DLGAP1: variants seen among roughly 807,000 people sequenced by gnomAD.
DLGAP1 encodes disks large-associated protein 1.
DLGAP1 carries 11 observed loss-of-function variants against 90.8 expected under a neutral mutation model. The observed-to-expected ratio is 0.12, with a 90% CI of 0.08 to 0.20. The LOEUF is 0.20. Ranked by LOEUF, DLGAP1 falls within the 10% of genes least tolerant of loss-of-function variation. DLGAP1 has a pLI of 1.00. For synonymous variants in DLGAP1, 558 were observed against 540.7 expected (o/e 1.03, Z -0.44); for missense variants, 1,050 against 1,333.8 (o/e 0.79, Z 3.31).
intron 7 of DLGAP1, among the ~76,000 whole-genome samples, chr18:3,633,433 A>C (rs2058592850): frequency 6.6e-6 from 1 of 150,642 alleles, no homozygotes; most frequent in African/African-American, 2.4e-5. Context: ...TAAACTGAAG[A>C]TCAAGCTGAA....
intron 5 of DLGAP1, among the ~76,000 whole-genome samples, chr18:3,780,916 CCT>C (rs1386344120): frequency 6.6e-6 from 1 of 152,090 alleles, no homozygotes; most frequent in African/African-American, 2.4e-5. Flanking sequence ...CTCAAGTGAT[CCT>C]CTCACTTCAG....
chr18:3,679,382 G>A (rs2060428632), intron 7 of DLGAP1, among the ~76,000 whole-genome samples: 2 of 151,814 alleles, frequency 1.3e-5, no homozygotes, highest in South Asian at 2.1e-4. Context: ...TTTCTGTTGC[G>A]AGAATGAATA....
chr18:4,174,485 C>A (rs182657575), intron 1 of DLGAP1, among the ~76,000 whole-genome samples: 16 of 152,140 alleles, frequency 1.1e-4, no homozygotes, highest in African/African-American at 3.9e-4. Context: ...CAGGCGCCCA[C>A]CACCACGCCC....
At chr18:4,319,872 A>C (rs978837817) in intron 1 of DLGAP1, among the ~76,000 whole-genome samples, 1 of 152,098 alleles carries the variant, frequency 6.6e-6, no homozygotes, top group Non-Finnish European at 1.5e-5. Context: ...TCATTCCTTC[A>C]TATACACATT....
chr18:4,001,249 C>A (rs1275301890), intron 3 of DLGAP1, among the ~76,000 whole-genome samples: 2 of 151,388 alleles, frequency 1.3e-5, no homozygotes, highest in Non-Finnish European at 1.5e-5. Flanking sequence ...TCTATAAACT[C>A]CTTTTGAAGT....
chr18:3,587,917 A>C (rs1303898194), intron 7 of DLGAP1, among the ~76,000 whole-genome samples: 1 of 152,254 alleles, frequency 6.6e-6, no homozygotes, highest in African/African-American at 2.4e-5. Context: ...AATGATTTTT[A>C]AAATGTAAGT....
intron 1 of DLGAP1, among the ~76,000 whole-genome samples, chr18:4,411,241 A>C (rs1364373508): frequency 6.6e-6 from 1 of 152,214 alleles, no homozygotes; most frequent in Non-Finnish European, 1.5e-5. Flanking sequence ...GGTACAAGGA[A>C]TAGTCCAAAC....
chr18:3,650,817 C>T (rs1457530822), intron 7 of DLGAP1, among the ~76,000 whole-genome samples: 1 of 152,204 alleles, frequency 6.6e-6, no homozygotes, highest in Admixed American at 6.5e-5. Context: ...GCCTGTAATC[C>T]CAGCACTTTG....
intron 3 of DLGAP1, among the ~76,000 whole-genome samples, chr18:3,905,659 G>A (rs2071889774): frequency 6.6e-6 from 1 of 152,068 alleles, no homozygotes; most frequent in South Asian, 2.1e-4. Flanking sequence ...AAGTTTTAAT[G>A]AGACAATGCG....
chr18:4,251,079 T>A (rs531880056), intron 1 of DLGAP1, among the ~76,000 whole-genome samples: 1 of 152,220 alleles, frequency 6.6e-6, no homozygotes, highest in African/African-American at 2.4e-5. Flanking sequence ...TTGAAAACCC[T>A]AGAAACACAG....
chr18:3,772,115 C>T (rs375497580), intron 5 of DLGAP1, among the ~76,000 whole-genome samples: 1 of 150,034 alleles, frequency 6.7e-6, no homozygotes, highest in Admixed American at 6.6e-5. Context: ...TCTTTTCTTT[C>T]CTTTCTTTCT....
intron 1 of DLGAP1, among the ~76,000 whole-genome samples, chr18:4,345,975 A>G (rs2081296305): frequency 6.6e-6 from 1 of 152,184 alleles, no homozygotes; most frequent in Non-Finnish European, 1.5e-5. Context: ...ATGCATGCTG[A>G]TCCTTTCAAG....
intron 1 of DLGAP1, among the ~76,000 whole-genome samples, chr18:4,333,764 C>T (rs999712197): frequency 7.9e-5 from 12 of 151,118 alleles, no homozygotes; most frequent in Middle Eastern, 3.4e-3. Flanking sequence ...GAACTACAGG[C>T]GCCCACCACC....
chr18:3,704,553 G>A (rs2061377086), intron 7 of DLGAP1, among the ~76,000 whole-genome samples: 1 of 151,758 alleles, frequency 6.6e-6, no homozygotes, highest in South Asian at 2.1e-4. Flanking sequence ...CTCCAGCCTG[G>A]GTGACACAGC....
chr18:4,445,601 T>C (rs1279737090), intron 1 of DLGAP1, among the ~76,000 whole-genome samples: 1 of 151,896 alleles, frequency 6.6e-6, no homozygotes, highest in African/African-American at 2.4e-5. Flanking sequence ...TCCAATTTCA[T>C]CCATGCCAAT....
intron 9 of DLGAP1, among the ~76,000 whole-genome samples, chr18:3,547,001 T>G: frequency 6.6e-6 from 1 of 151,166 alleles, no homozygotes; most frequent in Non-Finnish European, 1.5e-5. Context: ...GGACACATAT[T>G]ACCAATATCA....
chr18:4,370,814 A>G (rs759118420), intron 1 of DLGAP1, among the ~76,000 whole-genome samples: 36 of 151,994 alleles, frequency 2.4e-4, no homozygotes, highest in Admixed American at 5.9e-4. Context: ...CATGTAATAC[A>G]TACAAAAATA....
At chr18:3,645,193 G>T (rs2059075447) in intron 7 of DLGAP1, among the ~76,000 whole-genome samples, 1 of 152,018 alleles carries the variant, frequency 6.6e-6, no homozygotes, top group African/African-American at 2.4e-5. Context: ...CGACTTCCCA[G>T]GTGAGAGGAT....
intron 9 of DLGAP1, among the ~76,000 whole-genome samples, chr18:3,537,025 C>G (rs2052418764): frequency 7.2e-6 from 1 of 139,074 alleles, no homozygotes; most frequent in Non-Finnish European, 1.6e-5. Flanking sequence ...TTACGATGCC[C>G]TGTATGTCTT....
Sources: gnomAD v4.1 joint callset for allele counts (sites outside exome capture counted in the v4.1 genomes callset) on GRCh38, gnomAD v4.1.1 for gene constraint, MANE v1.5 for transcripts, NCBI Gene and HGNC (gene_info 2026-07-23, HGNC 2026-07-21) for gene names.